Variants in SLC22A24 observed in about 807,000 individuals in gnomAD.
SLC22A24 encodes solute carrier family 22 member 24.
SLC22A24 carries 53 observed loss-of-function variants against 49.8 expected under a neutral mutation model. The observed-to-expected ratio is 1.06, with a 90% confidence interval of 0.85 to 1.34. The LOEUF (loss-of-function observed/expected upper bound fraction) is 1.34, where lower values mean the gene tolerates loss of function less well. Among genes scored for constraint, SLC22A24 ranks in the 40% most tolerant of loss-of-function variants. SLC22A24 has a pLI of 0.00. For synonymous variants in SLC22A24, 302 were observed against 256.4 expected, an observed-to-expected ratio of 1.18 and a Z score of -1.70; for missense variants, 786 against 675.9, an observed-to-expected ratio of 1.16 and a Z score of -1.81.
At chr11:63,130,391 A>C (rs532606399) in intron 2 of SLC22A24, among the ~76,000 whole-genome samples, 1 of 152,198 alleles carries the variant, frequency 6.6e-6, no homozygotes, top group Non-Finnish European at 1.5e-5. Context: ...TATTTTATTG[A>C]GGATTTTCAC....
chr11:63,140,074 T>TTG (rs2087403975), intron 1 of SLC22A24, among the ~76,000 whole-genome samples: 1 of 113,760 alleles, frequency 8.8e-6, no homozygotes, highest in South Asian at 3.5e-4. Flanking sequence ...TTTGTTTTTT[T>TTG]GTTTTTTTTT....
At chr11:63,116,964 C>T (rs1175372827) in intron 4 of SLC22A24, among the ~76,000 whole-genome samples, 1 of 52,982 alleles carries the variant, frequency 1.9e-5, no homozygotes, top group Non-Finnish European at 5.9e-5. Flanking sequence ...TATTTGGAGA[C>T]ATCTTTTTTT....
chr11:63,121,483 T>C (rs1416034387), intron 2 of SLC22A24, among the ~76,000 whole-genome samples: 1 of 150,756 alleles, frequency 6.6e-6, no homozygotes, highest in Non-Finnish European at 1.5e-5. Context: ...AGACTAGATA[T>C]GCACATGAAA....
intron 2 of SLC22A24, among the ~76,000 whole-genome samples, chr11:63,130,630 T>A (rs2087327483): frequency 6.6e-6 from 1 of 152,200 alleles, no homozygotes; most frequent in South Asian, 2.1e-4. Context: ...GGTGGGCTGT[T>A]AATTATTGCC....
chr11:63,141,509 A>G (rs117712073), intron 1 of SLC22A24, among the ~76,000 whole-genome samples: 9,010 of 152,230 alleles, frequency 0.059, 466 homozygotes, highest in Non-Finnish European at 0.077. Flanking sequence ...GACTTATGGA[A>G]CCAATTAAAA....
chr11:63,133,036 CT>C (rs2087348276), intron 2 of SLC22A24, among the ~76,000 whole-genome samples: 1 of 152,176 alleles, frequency 6.6e-6, no homozygotes, highest in Non-Finnish European at 1.5e-5. Context: ...GCCCCTCCCC[CT>C]GTCAAGCTGC....
intron 6 of SLC22A24, among the ~76,000 whole-genome samples, chr11:63,095,660 G>C (rs1319212902): frequency 6.6e-6 from 1 of 152,150 alleles, no homozygotes; most frequent in Non-Finnish European, 1.5e-5. Flanking sequence ...TAGACAGCCA[G>C]TTGATGTAAC....
intron 4 of SLC22A24, among the ~76,000 whole-genome samples, chr11:63,115,333 C>A (rs113141743): frequency 0.038 from 5,850 of 152,330 alleles, 363 homozygotes; most frequent in African/African-American, 0.13. Context: ...GCTGTGCTAG[C>A]AGTGAGCAAG....
intron 5 of SLC22A24, among the ~76,000 whole-genome samples, chr11:63,097,628 G>A (rs1409034803): frequency 1.3e-5 from 2 of 152,088 alleles, no homozygotes; most frequent in African/African-American, 2.4e-5. Flanking sequence ...GTTTATTGCA[G>A]CACTGTTCAC....
At chr11:63,094,831 T>A (rs543780372) in intron 6 of SLC22A24, among the ~76,000 whole-genome samples, 28 of 152,364 alleles carry the variant, frequency 1.8e-4, no homozygotes, top group African/African-American at 6.7e-4. Context: ...TGGGGTTGTT[T>A]GTTTTTTTCT....
At chr11:63,121,476 C>T (rs1391986042) in intron 2 of SLC22A24, among the ~76,000 whole-genome samples, 4 of 151,428 alleles carry the variant, frequency 2.6e-5, no homozygotes, top group African/African-American at 9.7e-5. Context: ...AAGCAGCAGA[C>T]TAGATATGCA....
intron 5 of SLC22A24, among the ~76,000 whole-genome samples, chr11:63,100,042 T>G (rs1000654021): frequency 1.3e-5 from 2 of 152,170 alleles, no homozygotes; most frequent in African/African-American, 4.8e-5. Flanking sequence ...TTTTCACTAC[T>G]GTTTTTCAAC....
intron 6 of SLC22A24, among the ~76,000 whole-genome samples, chr11:63,092,401 G>T (rs2134641802): frequency 6.8e-6 from 1 of 147,658 alleles, no homozygotes; most frequent in South Asian, 2.2e-4. Context: ...GAAAAAACTA[G>T]TTCAAATTTC....
intron 1 of SLC22A24, among the ~76,000 whole-genome samples, chr11:63,140,411 C>T (rs2087407608): frequency 6.6e-6 from 1 of 152,116 alleles, no homozygotes; most frequent in Non-Finnish European, 1.5e-5. Flanking sequence ...ATCGGTAAAA[C>T]AAAGTGTCTT....
At chr11:63,140,000 T>C (rs866464055) in intron 1 of SLC22A24, among the ~76,000 whole-genome samples, 7 of 151,732 alleles carry the variant, frequency 4.6e-5, no homozygotes, top group Non-Finnish European at 5.9e-5. Context: ...GTCAGAAAAA[T>C]AGAAACTTTA....
intron 6 of SLC22A24, among the ~76,000 whole-genome samples, chr11:63,085,219 G>T (rs985884062): frequency 2.6e-5 from 4 of 151,966 alleles, no homozygotes; most frequent in African/African-American, 4.8e-5. Flanking sequence ...AATTATGAAA[G>T]AATACCGCAT....
intron 6 of SLC22A24, among the ~76,000 whole-genome samples, chr11:63,095,697 A>G (rs1461723593): frequency 6.6e-6 from 1 of 152,208 alleles, no homozygotes; most frequent in East Asian, 1.9e-4. Flanking sequence ...AAATTAGAAA[A>G]TCAAAAAATT....
At chr11:63,114,950 G>T (rs139854219) in intron 4 of SLC22A24, among the ~76,000 whole-genome samples, 3,034 of 152,248 alleles carry the variant, frequency 0.02, 45 homozygotes, top group Non-Finnish European at 0.034. Context: ...TCTCAGAAGG[G>T]CACCTGCCTG....
intron 2 of SLC22A24, among the ~76,000 whole-genome samples, chr11:63,124,252 G>T (rs1270278007): frequency 1.3e-5 from 2 of 152,140 alleles, no homozygotes; most frequent in Non-Finnish European, 2.9e-5. Context: ...AGAAAACTTA[G>T]ATTTTATTCT....
Sources: allele counts gnomAD v4.1 joint callset (sites outside exome capture counted in the v4.1 genomes callset), GRCh38; gene constraint gnomAD v4.1.1; transcripts MANE v1.5; gene names NCBI Gene and HGNC (gene_info 2026-07-23, HGNC 2026-07-21).